Variants in GALNT18 observed in about 807,000 individuals in gnomAD.
The protein encoded by GALNT18 is GalNAc-transferase 18.
Under a neutral mutation model 69.5 loss-of-function variants are expected in GALNT18, and 44 were observed. The observed-to-expected ratio is 0.63, with a 90% CI of 0.50 to 0.81. The LOEUF (loss-of-function observed/expected upper bound fraction) is 0.81. GALNT18 is among the 40% of genes least tolerant of loss of function. GALNT18 has a pLI of 0.00. For missense variants in GALNT18, 715 were observed against 810.0 expected (o/e 0.88, Z 1.42); for synonymous variants, 364 against 318.2 (o/e 1.14, Z -1.53).
At chr11:11,308,918 T>C (rs1456270543) in intron 9 of GALNT18, among the ~76,000 whole-genome samples, 1 of 152,184 alleles carries the variant, frequency 6.6e-6, no homozygotes, top group Non-Finnish European at 1.5e-5. Flanking sequence ...CCCCAGCTCT[T>C]AGTGCCCCAA....
chr11:11,288,793 T>C (rs1404444350), intron 10 of GALNT18, among the ~76,000 whole-genome samples: 8 of 152,192 alleles, frequency 5.3e-5, no homozygotes, highest in Admixed American at 1.3e-4. Flanking sequence ...ATGTATTTTA[T>C]TTGTTAAGCA....
chr11:11,539,984 C>G (rs2133953569), intron 1 of GALNT18, among the ~76,000 whole-genome samples: 1 of 152,312 alleles, frequency 6.6e-6, no homozygotes, highest in South Asian at 2.1e-4. Context: ...ATTTCCAGTA[C>G]CAATGGGAAA....
chr11:11,274,556 T>C (rs1210737320), intron 10 of GALNT18, among the ~76,000 whole-genome samples: 1 of 152,222 alleles, frequency 6.6e-6, no homozygotes, highest in Non-Finnish European at 1.5e-5. Context: ...TTTTTAAAAT[T>C]TTTTATTATT....
At chr11:11,522,224 G>T (rs1379083351) in intron 1 of GALNT18, among the ~76,000 whole-genome samples, 1 of 152,126 alleles carries the variant, frequency 6.6e-6, no homozygotes, top group Non-Finnish European at 1.5e-5. Flanking sequence ...ATAACCATCA[G>T]GTCAAACACA....
At chr11:11,503,925 T>G (rs1024448905) in intron 1 of GALNT18, among the ~76,000 whole-genome samples, 7 of 152,194 alleles carry the variant, frequency 4.6e-5, no homozygotes, top group African/African-American at 1.7e-4. Flanking sequence ...CCACCACTAC[T>G]CAACCAAGGG....
At chr11:11,556,366 C>T (rs1858333796) in intron 1 of GALNT18, among the ~76,000 whole-genome samples, 2 of 152,198 alleles carry the variant, frequency 1.3e-5, no homozygotes, top group African/African-American at 4.8e-5. Flanking sequence ...TGAAGTGCCA[C>T]GTCTAGGGAT....
rs142984780 is a variant in GALNT18, at chr11:11,510,431, T to C, written c.236-61495A>G. 3.3e-3 allele frequency among the ~76,000 whole-genome samples: 496 copies of C among 148,790 alleles called. 3 individuals carry two copies. Among genetic ancestry groups the C allele is most frequent in the Non-Finnish European group, 4.9e-3 (325 of 66,376 alleles). On this transcript the variant is annotated intron_variant, in intron 1 of 10. Transcript: ENST00000227756. ...AGGCCTCACCATGTTCCAACCTCTA[T>C]TCAGGTCACTTCTGCAAACCTTCCA...
At chr11:11,353,408 CT>C (rs1339366821) in intron 6 of GALNT18, 3 of 528,368 alleles carry the variant, frequency 5.7e-6, no homozygotes, top group East Asian at 6.5e-5. Flanking sequence ...ATTCAGAGCC[CT>C]TTTTGGGGGT....
chr11:11,374,987 G>A (rs1455282125), intron 5 of GALNT18, among the ~76,000 whole-genome samples: 1 of 152,234 alleles, frequency 6.6e-6, no homozygotes, highest in Non-Finnish European at 1.5e-5. Flanking sequence ...CCTGGGGATA[G>A]CAAGTCTTTC....
chr11:11,306,229 G>GTA (rs1554913679), intron 9 of GALNT18, among the ~76,000 whole-genome samples: 1 of 151,872 alleles, frequency 6.6e-6, no homozygotes, highest in Non-Finnish European at 1.5e-5. Context: ...GTGCATGTGT[G>GTA]TGTGTATGTG....
chr11:11,614,703 A>G lies in GALNT18; in HGVS notation c.235+6656T>C, dbSNP rs948506281. On this transcript the variant is annotated intron_variant, in intron 1 of 10. Transcript: ENST00000227756. This position sits in a 1 kb window ranked among gnomAD's most constrained non-coding sequence, Gnocchi z 5.6. ...AAATACCTTTGGGAAAACATAGGCC[A>G]GCCTAACCCAAGTGACTAAAGCTGA... is the stretch of plus-strand genomic sequence containing the variant. 5.3e-5 allele frequency among the ~76,000 whole-genome samples: 8 copies of G among 152,230 alleles called. No individual in the cohort carries two copies. The highest frequency in any genetic ancestry group is 1.2e-4 in the Non-Finnish European group (8 of 68,040).
chr11:11,513,777 G>C (rs1397781532), intron 1 of GALNT18, among the ~76,000 whole-genome samples: 1 of 152,196 alleles, frequency 6.6e-6, no homozygotes, highest in African/African-American at 2.4e-5. Context: ...GACTGTTCAG[G>C]GGGAACATAA....
chr11:11,387,423 G>C lies in GALNT18; in HGVS notation c.596-8159C>G, dbSNP rs1161258894. Reference sequence around the variant, plus strand: ...GCCACCCCATCCCTCCAGTTGCCCAGGAGGGGAGTGGGAACACCCCACCCA... The same window carrying C: ...GCCACCCCATCCCTCCAGTTGCCCACGAGGGGAGTGGGAACACCCCACCCA... On this transcript the variant is annotated intron_variant, in intron 3 of 10. Transcript: ENST00000227756. The surrounding 1 kb of genome is among the most constrained non-coding windows in gnomAD (Gnocchi z 4.6). Among the ~76,000 whole-genome samples, 1 of 152,100 alleles carries C rather than the reference G, an allele frequency of 6.6e-6. No homozygotes were observed. The highest frequency in any genetic ancestry group is 2.4e-5 in the African/African-American group (1 of 41,410).
intron 3 of GALNT18, among the ~76,000 whole-genome samples, chr11:11,431,261 G>A (rs1447191020): frequency 1.3e-5 from 2 of 152,136 alleles, no homozygotes; most frequent in Non-Finnish European, 2.9e-5. Context: ...TGTAAGACGT[G>A]AGGAGGATCA....
At chr11:11,534,394 T>G (rs1378634446) in intron 1 of GALNT18, among the ~76,000 whole-genome samples, 1 of 152,250 alleles carries the variant, frequency 6.6e-6, no homozygotes, top group East Asian at 1.9e-4. Context: ...TTTGTCTCAC[T>G]CTTATCTTGA....
rs1850216737 is a variant in GALNT18 at position 11,341,977 on chromosome 11, T to G, written c.1093-973A>C. ...TCTCTAAAACATTAAAATTTTTTTT[T>G]TTTTAAAAAGACCTTGACTATATGG... is the stretch of plus-strand genomic sequence containing the variant. On this transcript the variant is annotated intron_variant, in intron 6 of 10. Coordinates refer to ENST00000227756, the MANE Select transcript of GALNT18 (RefSeq NM_198516.3). This position sits in a 1 kb window ranked among gnomAD's most constrained non-coding sequence, Gnocchi z 6.3. 6.6e-6 allele frequency among the ~76,000 whole-genome samples: 1 copy of G among 152,018 alleles called. No homozygotes were observed. The highest frequency in any genetic ancestry group is 2.4e-5 in the African/African-American group (1 of 41,376).
intron 3 of GALNT18, among the ~76,000 whole-genome samples, chr11:11,431,125 G>A (rs963412479): frequency 7.2e-5 from 11 of 152,118 alleles, no homozygotes; most frequent in African/African-American, 2.4e-4. Context: ...GAAATGAAAG[G>A]CTCCGAGATT....
At chr11:11,406,029 T>C (rs186547546) in intron 3 of GALNT18, among the ~76,000 whole-genome samples, 408 of 152,326 alleles carry the variant, frequency 2.7e-3, no homozygotes, top group African/African-American at 9.3e-3. Flanking sequence ...AGCAGAGAGA[T>C]CGGAGAGTCC....
In GALNT18 at chr11:11,430,183, AC is replaced by A. The variant is rs914210055; in HGVS notation, c.595+2437del. On this transcript the variant is annotated intron_variant, in intron 3 of 10. Transcript: ENST00000227756. The surrounding 1 kb of genome is among the most constrained non-coding windows in gnomAD (Gnocchi z 4.9). ...GCTTTTTAAAACAGCGATGTCTAGA[AC>A]CCTCTTTGAACTCACTGAACCAGAA... 3.5e-4 allele frequency among the ~76,000 whole-genome samples: 54 copies of A among 152,228 alleles called. 2 individuals are homozygous for A. The highest frequency in any genetic ancestry group is 1.2e-3 in the African/African-American group (51 of 41,528).
Sources: allele counts gnomAD v4.1 joint callset (sites outside exome capture counted in the v4.1 genomes callset), GRCh38; gene constraint gnomAD v4.1.1; non-coding constraint Gnocchi (gnomAD v3.1); transcripts MANE v1.5; gene names NCBI Gene and HGNC (gene_info 2026-07-23, HGNC 2026-07-21).